CUL7: variants seen among roughly 807,000 people sequenced by gnomAD.
CUL7 encodes cullin 7.
Under a neutral mutation model 177.7 loss-of-function variants are expected in CUL7, and 96 were observed. The observed-to-expected ratio is 0.54, with a 90% CI of 0.46 to 0.64. The LOEUF is 0.64. Ranked by LOEUF, CUL7 falls within the 30% of genes least tolerant of loss-of-function variation. The pLI is 0.00. For missense variants in CUL7, 1,893 were observed against 2,187.9 expected (o/e 0.87, Z 2.69); for synonymous variants, 824 against 890.2 (o/e 0.93, Z 1.32).
At chr6:43,047,241 G>A (rs1404341377) in intron 9 of CUL7, 134 bp from the exon 10 acceptor site, 16 of 669,182 alleles carry the variant, frequency 2.4e-5, no homozygotes, top group African/African-American at 3.6e-5. Context: ...GCAGAGTGAC[G>A]AAGTGAAAAG....
rs780075101 is a variant in CUL7, at chr6:43,051,278, A to G, written c.923T>C (p.Val308Ala). 1.2e-6 allele frequency: 2 copies of G among 1,611,088 alleles called. No homozygotes were observed. The highest frequency in any genetic ancestry group is 2.7e-5 in the African/African-American group (2 of 74,762). ...MAMGTLISEL[V>A]QAMRWDQASD... ...GGCCTGGTCCCAGCGCATGGCTTGC[A>G]CCAGCTCCGAGATCAGGGTGCCCAT... Residue 308 changes from valine (V) to alanine (A), a missense_variant, in exon 4 of 26, where the codon GTG becomes GCG. This residue lies in a region of CUL7 where 653 missense variants were observed against 725.2 expected (regional missense o/e 0.90). Coordinates refer to ENST00000265348, the MANE Select transcript of CUL7 (RefSeq NM_014780.5). The surrounding 1 kb of genome is among the most constrained non-coding windows in gnomAD (Gnocchi z 5.0).
rs755788682 is a variant in CUL7 at position 43,037,916 on chromosome 6, G to A, written c.4869C>T (p.Ser1623=). 2 of 1,611,204 alleles carry A rather than the reference G, an allele frequency of 1.2e-6. No individual in the cohort carries two copies. Among genetic ancestry groups the A allele is most frequent in the African/African-American group, 1.3e-5 (1 of 74,982 alleles). ...GSACSSTDVL[S]CILHLLGKGT... is the part of the protein sequence containing the mutation. ...CCTTGCCCAGGAGGTGTAGGATGCA[G>A]GAGAGGACGTCAGTGCTGCTGCATG... Residue 1623 remains serine (S), a synonymous_variant, in exon 26 of 26, where the codon TCC becomes TCT. Transcript: ENST00000265348.
chr6:43,049,950 A>C lies in CUL7; in HGVS notation c.1569+13T>G, dbSNP rs1246992828. ...AGCCCTCCAACCTCTGAGTGTCTCC[A>C]GGCTGGCTCTACCTCCCCATCTAGG... is the stretch of plus-strand genomic sequence containing the variant. On this transcript the variant is annotated intron_variant, in intron 6 of 25. Transcript: ENST00000265348. 6.2e-7 allele frequency: 1 copy of C among 1,612,320 alleles called. No individual in the cohort carries two copies. The highest frequency in any genetic ancestry group is 8.5e-7 in the Non-Finnish European group (1 of 1,178,712).
chr6:43,048,285 T>A, intron 8 of CUL7, 32 bp from the exon 9 acceptor site: 1 of 1,596,800 alleles, frequency 6.3e-7, no homozygotes, highest in Non-Finnish European at 8.6e-7. Flanking sequence ...GCCAGCCTCA[T>A]GGACCCCCTT....
At position 43,051,415 on chromosome 6, in the gene CUL7, C is replaced by T. The variant is rs1373198486; in HGVS notation, c.786G>A (p.Ser262=). ...CACTGTCGTTCAGCTGATCCAGGAG[C>T]GAGGTGACATGCAAATACCGCTTCA... ...SLVKRYLHVT[S]LLDQLNDSAA... Residue 262 remains serine, a synonymous_variant, in exon 4 of 26, where the codon TCG becomes TCA. Transcript: ENST00000265348. This position sits in a 1 kb window ranked among gnomAD's most constrained non-coding sequence, Gnocchi z 5.0. 1.4e-5 allele frequency: 23 copies of T among 1,613,896 alleles called. No individual in the cohort carries two copies. The highest frequency in any genetic ancestry group is 1.6e-4 in the Middle Eastern group (1 of 6,084).
rs1764290958 is a variant in CUL7 at position 43,050,384 on chromosome 6, T to A, written c.1248A>T (p.Ser416=). ...GVPPVQVFWE[S]TGRTYWVHWH... is the part of the protein sequence containing the mutation. ...AGTGCACCCAATAGGTGCGGCCTGT[T>A]GACTCCCAAAATACCTGGAGCATAG... Residue 416 remains serine, a synonymous_variant, in exon 5 of 26, where the codon TCA becomes TCT. Coordinates refer to ENST00000265348, the MANE Select transcript of CUL7 (RefSeq NM_014780.5). The surrounding 1 kb of genome is among the most constrained non-coding windows in gnomAD (Gnocchi z 4.1). 3 of 1,614,100 alleles carry A rather than the reference T, an allele frequency of 1.9e-6. No individual in the cohort carries two copies. Among genetic ancestry groups the A allele is most frequent in the Non-Finnish European group, 2.5e-6 (3 of 1,180,016 alleles).
At chr6:43,047,854 C>T (rs1298489846) in intron 9 of CUL7, 9 of 441,488 alleles carry the variant, frequency 2.0e-5, no homozygotes, top group Non-Finnish European at 3.6e-5. Flanking sequence ...GGGAAAGATA[C>T]ATAAATTAAT....
chr6:43,044,473 T>G (rs1763712959), intron 16 of CUL7, among the ~76,000 whole-genome samples: 1 of 148,646 alleles, frequency 6.7e-6, no homozygotes, highest in Non-Finnish European at 1.5e-5. Context: ...CACTCCAGCG[T>G]GGGTAACGAG....
Position 43,042,953 on chromosome 6 carries a change from T to G in CUL7, c.3494A>C (p.Asp1165Ala). The G allele has an allele frequency of 6.2e-7, 1 of 1,613,974 alleles. No homozygotes were observed. The highest frequency in any genetic ancestry group is 8.5e-7 in the Non-Finnish European group (1 of 1,179,988). ...ACAGTAGCGTGGCACAAAGTCATCA[T>G]CCCGCCAGGATGAGGTCAGAAAATT... ...VNNFLTSSWRDDDFVPRYCEH... is the reference protein window; with the variant it reads ...VNNFLTSSWRADDFVPRYCEH... The change falls in exon 19 of 26, where the codon GAT becomes GCT. Residue 1165 changes from aspartate (D) to alanine (A), a missense_variant. By Grantham distance (126) the Asp-to-Ala change is moderately radical (BLOSUM62 -2). Around this residue, in one of 5 missense-constraint regions of CUL7, gnomAD observed 973 missense variants for 1,140.9 expected, o/e 0.85. Transcript: ENST00000265348.
rs1561894839 is a variant in CUL7 at position 43,051,221 on chromosome 6, G to T, written c.980C>A (p.Pro327His). ...SDRPRSSARS[P>H]GSIFQPQLAD... is the part of the protein sequence containing the mutation. Reference sequence around the variant, plus strand: ...CAGCTGAGGCTGGAAGATGGAACCGGGGGACCGTGCTGAGCTCCTTGGTCT... The same window carrying T: ...CAGCTGAGGCTGGAAGATGGAACCGTGGGACCGTGCTGAGCTCCTTGGTCT... Residue 327 changes from proline to histidine, a missense_variant, in exon 4 of 26, where the codon CCC (proline) becomes CAC (histidine). Pro to His is a moderately conservative substitution (Grantham distance 77, BLOSUM62 -2). Coordinates refer to ENST00000265348, the MANE Select transcript of CUL7 (RefSeq NM_014780.5). The surrounding 1 kb of genome is among the most constrained non-coding windows in gnomAD (Gnocchi z 5.0). The T allele has an allele frequency of 6.2e-7, 1 of 1,614,154 alleles. No individual in the cohort carries two copies. The highest frequency in any genetic ancestry group is 1.7e-5 in the Admixed American group (1 of 60,018).
intron 15 of CUL7, 85 bp from the exon 16 acceptor site, chr6:43,044,970 A>G: frequency 6.3e-7 from 1 of 1,575,120 alleles, no homozygotes; most frequent in Non-Finnish European, 8.7e-7. Context: ...ACTGCCAGCT[A>G]ACCCCAGCAC....
chr6:43,051,190 A>G lies in CUL7; in HGVS notation c.1011T>C (p.Asp337=). The G allele has an allele frequency of 1.2e-6, 2 of 1,614,212 alleles. No individual in the cohort carries two copies. The highest frequency in any genetic ancestry group is 1.7e-6 in the Non-Finnish European group (2 of 1,180,040). ...PGSIFQPQLA[D]VSPGLPAAQA... ...GGGCAGCGGGGAGCCCTGGGCTCAC[A>G]TCTGCCAGCTGAGGCTGGAAGATGG... The change falls in exon 4 of 26, where the codon GAT becomes GAC. Residue 337 remains aspartate (D), a synonymous_variant. Coordinates refer to ENST00000265348, the MANE Select transcript of CUL7 (RefSeq NM_014780.5). The surrounding 1 kb of genome is among the most constrained non-coding windows in gnomAD (Gnocchi z 5.0).
intron 19 of CUL7, 138 bp downstream of exon 19, chr6:43,042,664 T>C: frequency 1.5e-6 from 1 of 671,472 alleles, no homozygotes. Flanking sequence ...TTCAATTTTT[T>C]AAACTTCTTA....
Position 43,040,465 on chromosome 6 carries a change from C to T in CUL7, c.4024-39G>A. On this transcript the variant is annotated intron_variant, in intron 21 of 25. Transcript: ENST00000265348. The surrounding 1 kb of genome is among the most constrained non-coding windows in gnomAD (Gnocchi z 4.2). ...GGGTTCCCAGATGCCATGGCCTCCT[C>T]CAGTCTGCTCCACGCCCCTCTTCCC... is the stretch of plus-strand genomic sequence containing the variant. 1.2e-6 allele frequency: 2 copies of T among 1,612,316 alleles called. No individual in the cohort carries two copies. The highest frequency in any genetic ancestry group is 1.7e-6 in the Non-Finnish European group (2 of 1,180,028).
rs1763311117 is a variant in CUL7 at position 43,040,456 on chromosome 6, T to C, written c.4024-30A>G. 2 of 1,612,308 alleles carry C rather than the reference T, an allele frequency of 1.2e-6. No individual in the cohort carries two copies. The highest frequency in any genetic ancestry group is 4.5e-5 in the East Asian group (2 of 44,884). On this transcript the variant is annotated intron_variant, in intron 21 of 25. Transcript: ENST00000265348. The surrounding 1 kb of genome is among the most constrained non-coding windows in gnomAD (Gnocchi z 4.2). ...AGGAGCACAGGGTTCCCAGATGCCA[T>C]GGCCTCCTCCAGTCTGCTCCACGCC...
At chr6:43,044,572 CTT>C (rs1763727726) in intron 16 of CUL7, among the ~76,000 whole-genome samples, 178 bp downstream of exon 16, 2 of 151,958 alleles carry the variant, frequency 1.3e-5, no homozygotes, top group African/African-American at 4.8e-5. Flanking sequence ...TCCCCTGACA[CTT>C]GAGAGACATG....
In CUL7 at chr6:43,045,162, G is replaced by A. The variant is rs1763784267; in HGVS notation, c.3038+65C>T. 6.4e-7 allele frequency: 1 copy of A among 1,552,492 alleles called. No homozygotes were observed. The highest frequency in any genetic ancestry group is 8.8e-7 in the Non-Finnish European group (1 of 1,141,970). ...TCACAGCTTCTATGGACCCCTGCCT[G>A]CCAGCTATTTGCAATAGCCTTACCT... On this transcript the variant is annotated intron_variant, in intron 15 of 25. Transcript: ENST00000265348. The surrounding 1 kb of genome is among the most constrained non-coding windows in gnomAD (Gnocchi z 4.8).
Position 43,038,637 on chromosome 6 carries a change from T to C in CUL7, c.4496A>G (p.Asn1499Ser), listed in dbSNP as rs1469639093. 4 of 1,614,024 alleles carry C rather than the reference T, an allele frequency of 2.5e-6. No homozygotes were observed. The South Asian group carries it at 3.3e-5, about 13-fold the overall frequency. The change falls in exon 24 of 26, where the codon AAT becomes AGT. Residue 1499 changes from asparagine to serine, a missense_variant. Around this residue, in one of 5 missense-constraint regions of CUL7, gnomAD observed 248 missense variants for 262.5 expected, o/e 0.94. Transcript: ENST00000265348. Reference sequence around the variant, plus strand: ...AGAGGTGAGGGGCCCAATCGCCTGATTGAGCATGTCTGCGGAGAGCCCTGA... The same window carrying C: ...AGAGGTGAGGGGCCCAATCGCCTGACTGAGCATGTCTGCGGAGAGCCCTGA... ...AFSGLSADML[N>S]QAIGPLTSSR...
Position 43,047,078 on chromosome 6 carries a change from G to C in CUL7, c.2199C>G (p.His733Gln). The C allele has an allele frequency of 6.2e-7, 1 of 1,612,400 alleles. No homozygotes were observed. The highest frequency in any genetic ancestry group is 8.5e-7 in the Non-Finnish European group (1 of 1,178,434). ...AGTCCCTGCTCACTGAGGTCAGGCGGTGCAGGAAGAAAATCAGTTCCTGGA... is the reference window on the plus strand; with the variant it reads ...AGTCCCTGCTCACTGAGGTCAGGCGCTGCAGGAAGAAAATCAGTTCCTGGA... ...EVLQELIFFL[H>Q]RLTSVSRDYA... is the part of the protein sequence containing the mutation. Residue 733 changes from histidine (H) to glutamine (Q), a missense_variant, in exon 10 of 26, where the codon CAC (histidine) becomes CAG (glutamine). Physicochemically the swap from His to Gln is conservative, Grantham distance 24. This residue lies in a region of CUL7 where 973 missense variants were observed against 1,140.9 expected (regional missense o/e 0.85). Transcript: ENST00000265348.
Sources: gnomAD v4.1 joint callset for allele counts (sites outside exome capture counted in the v4.1 genomes callset) on GRCh38, gnomAD v4.1.1 for gene constraint, gnomAD v4.1.1 regional missense constraint, Gnocchi (gnomAD v3.1) non-coding constraint, MANE v1.5 for transcripts, NCBI Gene and HGNC (gene_info 2026-07-23, HGNC 2026-07-21) for gene names.